ATP10B: variants seen among roughly 807,000 people sequenced by gnomAD.
ATP10B encodes ATPase phospholipid transporting 10B (putative), also known as phospholipid-transporting ATPase VB.
In ATP10B, 122 loss-of-function variants were observed where a neutral mutation model predicts 141.2. That is an observed-to-expected ratio of 0.86 (90% confidence interval 0.75 to 1.00). ATP10B has a LOEUF of 1.00. Among genes scored for constraint, ATP10B ranks in the 50% least tolerant of loss-of-function variants. ATP10B has a pLI of 0.00. For synonymous variants in ATP10B, 685 were observed against 692.0 expected (o/e 0.99, Z 0.16); for missense variants, 1,876 against 1,825.3 (o/e 1.03, Z -0.51).
At chr5:160,569,775 AT>A in intron 24 of ATP10B, 92 bp from the exon 25 acceptor site, 2 of 1,076,030 alleles carry the variant, frequency 1.9e-6, no homozygotes, top group Non-Finnish European at 2.6e-6. Context: ...GTTTCAAACT[AT>A]TTTTGAAATG....
At chr5:160,866,804 C>A in the ATP10B span, among the ~76,000 whole-genome samples, 1 of 151,924 alleles carries the variant, frequency 6.6e-6, no homozygotes, top group African/African-American at 2.4e-5. Context: ...GCTTGGGTGG[C>A]GGGTGCACCA....
At chr5:160,755,543 C>A (rs150722123) in intron 2 of ATP10B, among the ~76,000 whole-genome samples, 1 of 150,824 alleles carries the variant, frequency 6.6e-6, no homozygotes, top group Non-Finnish European at 1.5e-5. Flanking sequence ...AGTCCGGGCG[C>A]GGTGGCTCAC....
chr5:160,773,528 A>G (rs1342231493), intron 2 of ATP10B, among the ~76,000 whole-genome samples: 1 of 152,208 alleles, frequency 6.6e-6, no homozygotes, highest in Middle Eastern at 3.2e-3. Context: ...TATTCAGCTA[A>G]ATAATTTATA....
chr5:160,723,910 G>C (rs192098553), intron 2 of ATP10B, among the ~76,000 whole-genome samples: 1 of 152,074 alleles, frequency 6.6e-6, no homozygotes, highest in Non-Finnish European at 1.5e-5. Context: ...ACTGGATAAA[G>C]AAAATATGGT....
rs535001104 is a variant in ATP10B at position 160,581,617 on chromosome 5, T to C, written c.3750+7975A>G. ...GTGTGATGTGGTGCTGAGAAGAATG[T>C]ATATTCTGTTGATTTGGGGTGTAGA... On this transcript the variant is annotated intron_variant, in intron 24 of 25. Transcript: ENST00000327245. 9.2e-5 allele frequency among the ~76,000 whole-genome samples: 14 copies of C among 152,330 alleles called. No individual in the cohort carries two copies. The East Asian group carries it at 2.5e-3, about 27-fold the overall frequency.
At chr5:160,695,113 C>G (rs879779394) in intron 3 of ATP10B, among the ~76,000 whole-genome samples, 10 of 152,156 alleles carry the variant, frequency 6.6e-5, no homozygotes, top group Non-Finnish European at 1.2e-4. Flanking sequence ...AGAAAAATAA[C>G]TGACTGGGTA....
the ATP10B span, among the ~76,000 whole-genome samples, chr5:160,911,389 G>A: frequency 6.6e-6 from 1 of 152,162 alleles, no homozygotes; most frequent in African/African-American, 2.4e-5. Flanking sequence ...GGACCCAAAA[G>A]GATTTGGTGA....
At chr5:160,642,855 T>C (rs950513238) in intron 9 of ATP10B, among the ~76,000 whole-genome samples, 1 of 152,324 alleles carries the variant, frequency 6.6e-6, no homozygotes. Flanking sequence ...TGAATGGATT[T>C]TACCCATAGG....
the ATP10B span, among the ~76,000 whole-genome samples, chr5:160,862,401 T>C: frequency 1.3e-5 from 2 of 151,980 alleles, no homozygotes; most frequent in Admixed American, 6.6e-5. Flanking sequence ...TGGTTTACCC[T>C]GTGGATTTCA....
intron 2 of ATP10B, among the ~76,000 whole-genome samples, chr5:160,755,835 AAAAATATATATATATATAT>A (rs1188269043): frequency 1.0e-3 from 79 of 78,872 alleles, no homozygotes; most frequent in African/African-American, 3.8e-3. Flanking sequence ...AAAAAAAAAA[AAAAATATATATATATATAT>A]ATATATATAT....
At chr5:160,856,937 T>C (rs1309754629), upstream of ATP10B, among the ~76,000 whole-genome samples, 1 of 151,838 alleles carries the variant, frequency 6.6e-6, no homozygotes, top group Non-Finnish European at 1.5e-5. Context: ...CCATCATGTA[T>C]AATTTTTTAA....
chr5:160,740,115 G>T (rs909425084), intron 2 of ATP10B, among the ~76,000 whole-genome samples: 1 of 152,230 alleles, frequency 6.6e-6, no homozygotes, highest in Non-Finnish European at 1.5e-5. Flanking sequence ...AAATGCTAAA[G>T]TGGGAACATA....
chr5:160,784,494 A>G (rs892845333), intron 2 of ATP10B, among the ~76,000 whole-genome samples: 44 of 152,206 alleles, frequency 2.9e-4, no homozygotes, highest in African/African-American at 9.9e-4. Flanking sequence ...GCCCAGACAA[A>G]TTAGAAAGTC....
chr5:160,569,277 T>C (rs553680853), intron 25 of ATP10B, among the ~76,000 whole-genome samples: 3 of 152,306 alleles, frequency 2.0e-5, no homozygotes, highest in South Asian at 4.1e-4. Flanking sequence ...GTCACACTGA[T>C]TTGGTGACTT....
chr5:160,648,972 C>A (rs1581260530), intron 8 of ATP10B, among the ~76,000 whole-genome samples, 199 bp downstream of exon 8: 1 of 130,290 alleles, frequency 7.7e-6, no homozygotes. Flanking sequence ...AACCCTGCAA[C>A]ATAAATAACT....
intron 6 of ATP10B, among the ~76,000 whole-genome samples, chr5:160,682,147 T>C (rs1006552168): frequency 1.3e-5 from 2 of 152,208 alleles, no homozygotes; most frequent in Non-Finnish European, 2.9e-5. Flanking sequence ...TTCCCAAACT[T>C]AGATATTAAA....
chr5:160,644,212 C>T lies in ATP10B; in HGVS notation c.794G>A (p.Gly265Asp), dbSNP rs1316056513. Residue 265 changes from glycine to aspartate, a missense_variant, in exon 9 of 26, where the codon GGC becomes GAC. Coordinates refer to ENST00000327245, the MANE Select transcript of ATP10B (RefSeq NM_025153.3). ...GCCTCGAAGCAGAAGACTCTCACAG[C>T]CAAAGCCAGTCCTGGTCTGGTCAGG... ...EHPDQTRTGF[G>D]CESLLLRGCT... 4 of 1,613,726 alleles carry T rather than the reference C, an allele frequency of 2.5e-6. No homozygotes were observed. The highest frequency in any genetic ancestry group is 3.3e-5 in the Admixed American group (2 of 59,966).
At chr5:160,730,429 G>A (rs1321984853) in intron 2 of ATP10B, among the ~76,000 whole-genome samples, 2 of 152,004 alleles carry the variant, frequency 1.3e-5, no homozygotes, top group African/African-American at 4.8e-5. Context: ...TACACAACCA[G>A]GAATTCATTG....
intron 2 of ATP10B, among the ~76,000 whole-genome samples, chr5:160,748,491 G>A (rs1767953324): frequency 6.6e-6 from 1 of 152,192 alleles, no homozygotes; most frequent in Admixed American, 6.5e-5. Context: ...ACAAAAGAGT[G>A]CTGGGGAGCA....
Sources: allele counts gnomAD v4.1 joint callset (sites outside exome capture counted in the v4.1 genomes callset), GRCh38; gene constraint gnomAD v4.1.1; transcripts MANE v1.5; gene names NCBI Gene and HGNC (gene_info 2026-07-23, HGNC 2026-07-21).